The following GRIP2 variants were observed in gnomAD, a reference collection of about 807,000 sequenced individuals.
GRIP2 encodes the protein glutamate receptor-interacting protein 2.
GRIP2 carries 58 observed loss-of-function variants against 108.3 expected under a neutral mutation model. That is an observed-to-expected ratio of 0.54 (90% CI 0.43 to 0.67). The LOEUF is 0.67. GRIP2 is among the 30% of genes least tolerant of loss of function. The pLI is 0.00. For synonymous variants in GRIP2, 586 were observed against 598.2 expected, an observed-to-expected ratio of 0.98 and a Z score of 0.30; for missense variants, 1,278 against 1,430.6, an observed-to-expected ratio of 0.89 and a Z score of 1.72.
upstream of GRIP2, among the ~76,000 whole-genome samples, chr3:14,541,649 C>A (rs963872989): frequency 1.3e-5 from 2 of 152,200 alleles, no homozygotes; most frequent in Non-Finnish European, 2.9e-5. Flanking sequence ...AAACTCAAGA[C>A]CCTGCCCTGC....
the GRIP2 span, among the ~76,000 whole-genome samples, chr3:14,568,053 C>G: frequency 8.4e-3 from 1,278 of 152,230 alleles, 23 homozygotes; most frequent in African/African-American, 0.029. Flanking sequence ...GAGTGATGGA[C>G]GGAGTAGCAG....
chr3:14,528,920 GTAA>G (rs1694633199), intron 1 of GRIP2, among the ~76,000 whole-genome samples: 1 of 152,098 alleles, frequency 6.6e-6, no homozygotes, highest in South Asian at 2.1e-4. Context: ...ATTGTCAGAT[GTAA>G]TAATGTGTGC....
At chr3:14,516,096 C>T (rs1694240567) in intron 11 of GRIP2, among the ~76,000 whole-genome samples, 1 of 152,090 alleles carries the variant, frequency 6.6e-6, no homozygotes, top group Non-Finnish European at 1.5e-5. Flanking sequence ...GTCGCAAGAG[C>T]CTCCAGTCTC....
At chr3:14,598,580 T>C in the GRIP2 span, among the ~76,000 whole-genome samples, 1 of 152,036 alleles carries the variant, frequency 6.6e-6, no homozygotes, top group South Asian at 2.1e-4. Context: ...CTACCATCTC[T>C]ATCACCCAAA....
the GRIP2 span, among the ~76,000 whole-genome samples, chr3:14,592,363 C>T: frequency 6.6e-6 from 1 of 152,172 alleles, no homozygotes; most frequent in African/African-American, 2.4e-5. Context: ...GCCCCGAGGC[C>T]GAGTCTCCTG....
chr3:14,497,924 C>A (rs1386343224), intron 21 of GRIP2, among the ~76,000 whole-genome samples: 1 of 152,306 alleles, frequency 6.6e-6, no homozygotes, highest in African/African-American at 2.4e-5. Flanking sequence ...CAGCTTCACA[C>A]TCAGGCTGGG....
At chr3:14,513,919 G>A in intron 12 of GRIP2, 109 bp from the exon 13 acceptor site, 1 of 1,343,164 alleles carries the variant, frequency 7.4e-7, no homozygotes, top group South Asian at 1.4e-5. Context: ...CCTGGTCTGG[G>A]GTGACTCTCA....
At chr3:14,560,817 C>T (rs370645601), upstream of GRIP2, among the ~76,000 whole-genome samples, 326 of 152,314 alleles carry the variant, frequency 2.1e-3, 1 homozygote, top group African/African-American at 6.7e-3. Context: ...CCAAAAGTAT[C>T]CTGACTAATC....
intron 12 of GRIP2, 107 bp from the exon 13 acceptor site, chr3:14,513,917 G>C: frequency 7.4e-7 from 1 of 1,355,202 alleles, no homozygotes; most frequent in Non-Finnish European, 1.0e-6. Context: ...CTCCTGGTCT[G>C]GGGTGACTCT....
At chr3:14,524,188 G>A in intron 4 of GRIP2, 1 of 602,360 alleles carries the variant, frequency 1.7e-6, no homozygotes, top group South Asian at 2.0e-5. Context: ...AATGACATTG[G>A]CTATAGAGTC....
At chr3:14,495,622 G>A (rs1328001116) in intron 22 of GRIP2, among the ~76,000 whole-genome samples, 1 of 152,070 alleles carries the variant, frequency 6.6e-6, no homozygotes, top group East Asian at 1.9e-4. Context: ...GGCCAGGATA[G>A]TTTTGATCTC....
rs1454807060 is a variant in GRIP2 at position 14,511,974 on chromosome 3, A to G, written c.1721-495T>C. Among the ~76,000 whole-genome samples the G allele has an allele frequency of 6.6e-6, 1 of 152,212 alleles. No homozygotes were observed. Among genetic ancestry groups the G allele is most frequent in the African/African-American group, 2.4e-5 (1 of 41,450 alleles). On this transcript the variant is annotated intron_variant, in intron 14 of 23. Transcript: ENST00000621039. This position sits in a 1 kb window ranked among gnomAD's most constrained non-coding sequence, Gnocchi z 4.1. ...GGCACTCCAGTGGTGGTCACAATCA[A>G]CAACATTTAAACACCGATGAAGTGA... is the stretch of plus-strand genomic sequence containing the variant.
In GRIP2 at chr3:14,517,092, C is replaced by G. The variant is rs1236255598; in HGVS notation, c.1278G>C (p.Arg426Ser). The G allele has an allele frequency of 1.3e-6, 2 of 1,599,642 alleles. No individual in the cohort carries two copies. The highest frequency in any genetic ancestry group is 2.7e-5 in the African/African-American group (2 of 74,126). The part of the protein sequence containing the change: ...MSPRTTMGRR[R>S]QRRREHKSSL... ...AGCTCTTGTGTTCCCTTCTTCGCTG[C>G]CTCCTCCGCCCCATTGTAGTTCGAG... Residue 426 changes from arginine to serine, a missense_variant, in exon 11 of 24, where the codon AGG (arginine) becomes AGC (serine). Arg to Ser is a moderately radical substitution (Grantham distance 110). Coordinates refer to ENST00000621039, the MANE Select transcript of GRIP2 (RefSeq NM_001080423.4).
At chr3:14,528,757 G>A (rs937630513) in intron 1 of GRIP2, among the ~76,000 whole-genome samples, 2 of 152,066 alleles carry the variant, frequency 1.3e-5, no homozygotes, top group Non-Finnish European at 2.9e-5. Flanking sequence ...ATTTTAATTT[G>A]CATTTGTCTA....
chr3:14,545,402 A>G (rs557397575), upstream of GRIP2, among the ~76,000 whole-genome samples: 43 of 152,306 alleles, frequency 2.8e-4, no homozygotes, highest in Non-Finnish European at 5.9e-4. Flanking sequence ...CACTCTCCAC[A>G]GCCCAGGCAT....
At chr3:14,578,537 T>C in the GRIP2 span, among the ~76,000 whole-genome samples, 21 of 152,014 alleles carry the variant, frequency 1.4e-4, no homozygotes, top group African/African-American at 3.6e-4. Flanking sequence ...GCCAACATGG[T>C]GAAATCCCGT....
At chr3:14,529,328 G>GTAT (rs1694650592) in intron 1 of GRIP2, among the ~76,000 whole-genome samples, 1 of 150,844 alleles carries the variant, frequency 6.6e-6, no homozygotes, top group South Asian at 2.1e-4. Flanking sequence ...TAATGAATTG[G>GTAT]TATTACCTCA....
intron 1 of GRIP2, among the ~76,000 whole-genome samples, chr3:14,531,784 C>T (rs185404851): frequency 7.4e-4 from 112 of 152,306 alleles, no homozygotes; most frequent in African/African-American, 2.1e-3. Flanking sequence ...GCTTGAGGCC[C>T]CATCGAGCGG....
intron 21 of GRIP2, among the ~76,000 whole-genome samples, chr3:14,503,130 G>A (rs1168085499): frequency 1.3e-5 from 2 of 152,122 alleles, no homozygotes; most frequent in South Asian, 2.1e-4. Flanking sequence ...CAACACTCAC[G>A]CTTCTACAGG....
Sources: allele counts gnomAD v4.1 joint callset (sites outside exome capture counted in the v4.1 genomes callset), GRCh38; gene constraint gnomAD v4.1.1; non-coding constraint Gnocchi (gnomAD v3.1); transcripts MANE v1.5; gene names NCBI Gene and HGNC (gene_info 2026-07-23, HGNC 2026-07-21).